CA13: variants seen among roughly 807,000 people sequenced by gnomAD.
The protein encoded by CA13 is CA-XIII.
A neutral mutation model predicts 31.5 loss-of-function variants in CA13; 21 were observed. The ratio of observed to expected loss-of-function variants is 0.67; its 90% confidence interval spans 0.47 to 0.96. The LOEUF is 0.96. CA13 is among the 40% of genes least tolerant of loss of function. The pLI is 0.00. For missense variants in CA13, 315 were observed against 318.9 expected, an observed-to-expected ratio of 0.99 and a Z score of 0.09; for synonymous variants, 117 against 111.4, an observed-to-expected ratio of 1.05 and a Z score of -0.32.
chr8:85,259,821 A>G (rs1044086799), intron 3 of CA13, among the ~76,000 whole-genome samples: 3 of 152,210 alleles, frequency 2.0e-5, no homozygotes, highest in African/African-American at 7.2e-5. Context: ...CCAGCTAGGA[A>G]GCATTGAGAC....
Position 85,281,674 on chromosome 8 carries a change from G to GT in CA13, c.*325_*326insT. ...ACCACAGGCATGCACAAGCATGCCT[G>GT]GCTAATTTTTAAATTTTTTTTTTTT... On this transcript the variant is annotated 3_prime_UTR_variant, in exon 7 of 7. Coordinates refer to ENST00000321764, the MANE Select transcript of CA13 (RefSeq NM_198584.3). 9.2e-6 allele frequency: 2 copies of GT among 217,674 alleles called. No individual in the cohort carries two copies. Among genetic ancestry groups the GT allele is most frequent in the African/African-American group, 2.3e-5 (1 of 42,562 alleles). 13.5% of individuals were successfully genotyped at this position (217,674 alleles called of 1,614,324 possible). A position where few individuals can be genotyped will look rare whatever the true frequency, so the allele number is the denominator to read the frequency against.
At chr8:85,255,829 G>C (rs1448175140) in intron 2 of CA13, among the ~76,000 whole-genome samples, 1 of 152,128 alleles carries the variant, frequency 6.6e-6, no homozygotes, top group Non-Finnish European at 1.5e-5. Flanking sequence ...CCTCACCTGA[G>C]GCCCTACCAC....
intron 5 of CA13, 79 bp downstream of exon 5, chr8:85,268,043 C>T: frequency 1.2e-6 from 1 of 868,814 alleles, no homozygotes; most frequent in Non-Finnish European, 1.8e-6. Context: ...AAGACTTAGA[C>T]ATATGCTGCC....
intron 1 of CA13, among the ~76,000 whole-genome samples, chr8:85,249,273 C>T (rs954996435): frequency 3.9e-5 from 6 of 152,068 alleles, no homozygotes; most frequent in Admixed American, 1.3e-4. Context: ...CTGAGACATG[C>T]GGATCACTTG....
At chr8:85,263,011 T>G (rs933477358) in intron 3 of CA13, among the ~76,000 whole-genome samples, 3 of 151,930 alleles carry the variant, frequency 2.0e-5, no homozygotes, top group African/African-American at 7.3e-5. Context: ...TCTGGTAGAG[T>G]GGCTGAGGGC....
chr8:85,264,378 A>G (rs1033267529), intron 3 of CA13, among the ~76,000 whole-genome samples: 3 of 152,134 alleles, frequency 2.0e-5, no homozygotes, highest in Non-Finnish European at 4.4e-5. Context: ...AGTGGTTACA[A>G]TTTCTTGTCA....
Position 85,261,773 on chromosome 8 carries a change from A to G in CA13, c.354+2234A>G, listed in dbSNP as rs112701898. Among the ~76,000 whole-genome samples the G allele has an allele frequency of 5.4e-3, 821 of 152,304 alleles. 8 individuals are homozygous for G. Among genetic ancestry groups the G allele is most frequent in the African/African-American group, 0.019 (771 of 41,560 alleles). On this transcript the variant is annotated intron_variant, in intron 3 of 6. Transcript: ENST00000321764. ...TGTTTGTTTTTAAATGAGAGAATCTAACAAAGAAACTATGACCAGCACCAG... is the reference window on the plus strand; with the variant it reads ...TGTTTGTTTTTAAATGAGAGAATCTGACAAAGAAACTATGACCAGCACCAG...
chr8:85,246,564 T>A (rs538666980), intron 1 of CA13: 1 of 453,936 alleles, frequency 2.2e-6, no homozygotes, highest in African/African-American at 2.0e-5. Flanking sequence ...ACTGAAATTA[T>A]AATTCATTGA....
At chr8:85,268,734 T>C in intron 6 of CA13, 107 bp downstream of exon 6, 1 of 955,212 alleles carries the variant, frequency 1.0e-6, no homozygotes, top group East Asian at 2.6e-5. Flanking sequence ...TGAAGTCTGT[T>C]TTCTCTTTAT....
In CA13 at chr8:85,245,787, C is replaced by T; in HGVS notation, c.-42C>T. 2.5e-6 allele frequency: 4 copies of T among 1,610,662 alleles called. No individual in the cohort carries two copies. In the South Asian group the frequency reaches 3.3e-5, roughly 13 times the overall value. Reference sequence around the variant, plus strand: ...CCTCCCCGCTCCCTCCTCTTTCTCGCTGCTCAGTCACATCTTTCTCTTCCT... The same window carrying T: ...CCTCCCCGCTCCCTCCTCTTTCTCGTTGCTCAGTCACATCTTTCTCTTCCT... On this transcript the variant is annotated 5_prime_UTR_variant, in exon 1 of 7. Coordinates refer to ENST00000321764, the MANE Select transcript of CA13 (RefSeq NM_198584.3).
At chr8:85,252,792 TGAAA>T (rs1223589427) in intron 2 of CA13, among the ~76,000 whole-genome samples, 6 of 152,176 alleles carry the variant, frequency 3.9e-5, no homozygotes, top group Non-Finnish European at 7.3e-5. Context: ...AATCCTTAAT[TGAAA>T]GAAAGTTTTT....
intron 6 of CA13, among the ~76,000 whole-genome samples, chr8:85,277,867 C>T (rs568811272): frequency 6.6e-6 from 1 of 152,264 alleles, no homozygotes; most frequent in East Asian, 1.9e-4. Flanking sequence ...TATGTGTCTC[C>T]CAGCCAGCTC....
In CA13 at chr8:85,259,498, G is replaced by A. The variant is rs764643714; in HGVS notation, c.313G>A (p.Gly105Ser). 1.2e-6 allele frequency: 2 copies of A among 1,613,862 alleles called. No individual in the cohort carries two copies. Among genetic ancestry groups the A allele is most frequent in the African/African-American group, 1.3e-5 (1 of 74,892 alleles). The change falls in exon 3 of 7, where the codon GGC becomes AGC. Residue 105 changes from glycine (G) to serine (S), a missense_variant. Physicochemically the swap from Gly to Ser is moderately conservative, Grantham distance 56. Transcript: ENST00000321764. ...TCACTGGGGGTCCGCTGATGACCAC[G>A]GCTCCGAGCACATAGTAGATGGAGT... ...HLHWGSADDH[G>S]SEHIVDGVSY...
chr8:85,278,347 A>C (rs979096143), intron 6 of CA13, among the ~76,000 whole-genome samples: 1 of 150,564 alleles, frequency 6.6e-6, no homozygotes, highest in African/African-American at 2.5e-5. Flanking sequence ...GGGTCCAGGG[A>C]TCTGAATTTT....
chr8:85,266,583 A>G, intron 3 of CA13, 25 bp from the exon 4 acceptor site: 1 of 1,557,138 alleles, frequency 6.4e-7, no homozygotes, highest in South Asian at 1.1e-5. Context: ...AAACATTCCT[A>G]CTATGTTGTA....
At chr8:85,273,320 C>T (rs1807552710) in intron 6 of CA13, among the ~76,000 whole-genome samples, 2 of 152,140 alleles carry the variant, frequency 1.3e-5, no homozygotes, top group Admixed American at 6.5e-5. Flanking sequence ...TTTTTGTATG[C>T]TTATTGGCTA....
At chr8:85,253,063 C>T (rs75697754) in intron 2 of CA13, among the ~76,000 whole-genome samples, 1 of 151,722 alleles carries the variant, frequency 6.6e-6, no homozygotes, top group African/African-American at 2.4e-5. Flanking sequence ...CTCCTGCCTC[C>T]GCCTCCCAAG....
chr8:85,245,688 G>A lies in CA13; in HGVS notation c.-141G>A, dbSNP rs572897683. Reference sequence around the variant, plus strand: ...TGGAGGACGCAGGCGGGAGCGCCCCGGACCGGGTTCACGGTCTCGCACTCC... The same window carrying A: ...TGGAGGACGCAGGCGGGAGCGCCCCAGACCGGGTTCACGGTCTCGCACTCC... On this transcript the variant is annotated 5_prime_UTR_variant, in exon 1 of 7. Transcript: ENST00000321764. 9.5e-6 allele frequency: 9 copies of A among 943,200 alleles called. No homozygotes were observed. Among genetic ancestry groups the A allele is most frequent in the South Asian group, 1.5e-5 (1 of 68,420 alleles). 58.4% of individuals were successfully genotyped at this position (943,200 alleles called of 1,614,324 possible). A position where few individuals can be genotyped will look rare whatever the true frequency, so the allele number is the denominator to read the frequency against.
Position 85,281,661 on chromosome 8 carries a change from CACAAGCA to C in CA13, c.*313_*319del. The stretch of plus-strand genomic sequence containing the variant: ...CAGAGTAAGTAGGACCACAGGCATG[CACAAGCA>C]TGCCTGGCTAATTTTTAAATTTTTT... On this transcript the variant is annotated 3_prime_UTR_variant, in exon 7 of 7. Coordinates refer to ENST00000321764, the MANE Select transcript of CA13 (RefSeq NM_198584.3). 4.1e-6 allele frequency: 1 copy of C among 245,532 alleles called. No individual in the cohort carries two copies. Among genetic ancestry groups the C allele is most frequent in the Non-Finnish European group, 6.8e-6 (1 of 146,340 alleles). The allele number at this position is 245,532 out of a possible 1,614,324, so 15.2% of individuals were successfully genotyped here. A position where few individuals can be genotyped will look rare whatever the true frequency, so the allele number is the denominator to read the frequency against.
Sources: allele counts gnomAD v4.1 joint callset (sites outside exome capture counted in the v4.1 genomes callset), GRCh38; gene constraint gnomAD v4.1.1; transcripts MANE v1.5; gene names NCBI Gene and HGNC (gene_info 2026-07-23, HGNC 2026-07-21).